The following SLC7A8 variants were observed in gnomAD, a reference collection of about 807,000 sequenced individuals.
The protein encoded by SLC7A8 is large neutral amino acids transporter small subunit 2.
Under a neutral mutation model 51.2 loss-of-function variants are expected in SLC7A8, and 30 were observed. That is an observed-to-expected ratio of 0.59 (90% confidence interval 0.44 to 0.80). The LOEUF (loss-of-function observed/expected upper bound fraction) is 0.80. Among genes scored for constraint, SLC7A8 ranks in the 30% least tolerant of loss-of-function variants. The pLI, the probability that SLC7A8 is intolerant of heterozygous loss-of-function variation, is 0.00. For synonymous variants in SLC7A8, 257 were observed against 275.8 expected, an observed-to-expected ratio of 0.93 and a Z score of 0.67; for missense variants, 612 against 674.4, an observed-to-expected ratio of 0.91 and a Z score of 1.03.
Position 23,128,090 on chromosome 14 carries a change from A to G in SLC7A8, c.1370T>C (p.Leu457Pro), listed in dbSNP as rs1481825165. The change falls in exon 10 of 11, where the codon CTG becomes CCG. Residue 457 changes from leucine to proline, a missense_variant. Transcript: ENST00000316902. This position sits in a 1 kb window ranked among gnomAD's most constrained non-coding sequence, Gnocchi z 4.3. ...VVCGIGLAIM[L>P]TGVPVYFLGV... ...CAGGAAATAGACAGGCACTCCTGTC[A>G]GCATGATGGCCAGGCCAATGCCACA... 1 of 1,614,220 alleles carries G rather than the reference A, an allele frequency of 6.2e-7. No individual in the cohort carries two copies. Among genetic ancestry groups the G allele is most frequent in the Non-Finnish European group, 8.5e-7 (1 of 1,180,032 alleles).
chr14:23,154,142 T>C (rs1289225293), intron 3 of SLC7A8: 3 of 562,280 alleles, frequency 5.3e-6, no homozygotes. Flanking sequence ...GAACGCCCTG[T>C]TCCTCTCCAA....
rs1366105798 is a variant in SLC7A8, at chr14:23,165,760, CA to C, written c.357-325del. Among the ~76,000 whole-genome samples, 1 of 152,142 alleles carries C rather than the reference CA, an allele frequency of 6.6e-6. No homozygotes were observed. Among genetic ancestry groups the C allele is most frequent in the African/African-American group, 2.4e-5 (1 of 41,418 alleles). The stretch of plus-strand genomic sequence containing the variant: ...TTTGCAACCCCAGAATGTTGATAGA[CA>C]GGACATACTAAGGGTGTGGTTACGT... On this transcript the variant is annotated intron_variant, in intron 2 of 10. Transcript: ENST00000316902. This position sits in a 1 kb window ranked among gnomAD's most constrained non-coding sequence, Gnocchi z 4.2.
intron 1 of SLC7A8, among the ~76,000 whole-genome samples, chr14:23,169,009 A>C (rs559130527): frequency 1.6e-4 from 24 of 152,248 alleles, no homozygotes; most frequent in African/African-American, 5.8e-4. Context: ...CACTTCATAA[A>C]AATTGGGTTT....
chr14:23,173,943 C>T (rs998271356), intron 1 of SLC7A8, among the ~76,000 whole-genome samples: 1 of 152,196 alleles, frequency 6.6e-6, no homozygotes, highest in Non-Finnish European at 1.5e-5. Flanking sequence ...ACCTGGCCAG[C>T]TTTGTTTAAA....
intron 1 of SLC7A8, among the ~76,000 whole-genome samples, chr14:23,175,515 G>A (rs973991811): frequency 2.0e-5 from 3 of 152,092 alleles, no homozygotes; most frequent in Non-Finnish European, 4.4e-5. Flanking sequence ...GGCCGGTACA[G>A]GGTGTTTTTA....
intron 8 of SLC7A8, 88 bp from the exon 9 acceptor site, chr14:23,129,887 C>T (rs35691569): frequency 0.012 from 17,808 of 1,431,506 alleles, 125 homozygotes; most frequent in Non-Finnish European, 0.015. Flanking sequence ...AGCCTCCAGG[C>T]AGATGATGCC....
chr14:23,140,653 C>T, intron 4 of SLC7A8, 29 bp from the exon 5 acceptor site: 1 of 1,594,612 alleles, frequency 6.3e-7, no homozygotes, highest in Non-Finnish European at 8.6e-7. Context: ...GGAGGCCGCT[C>T]AGTGAGACAA....
At chr14:23,162,569 A>G (rs2048929554) in intron 3 of SLC7A8, among the ~76,000 whole-genome samples, 1 of 152,126 alleles carries the variant, frequency 6.6e-6, no homozygotes, top group Non-Finnish European at 1.5e-5. Flanking sequence ...GTCATCAGCC[A>G]GTTTCTAAAT....
rs150723302 is a variant in SLC7A8, at chr14:23,129,797, G to A, written c.1116C>T (p.Cys372=). Residue 372 remains cysteine (C), a splice_region_variant and synonymous_variant, in exon 9 of 11, where the codon TGC becomes TGT. Transcript: ENST00000316902. ...TGACCAGCATCAGCAGGGTGGAGATGCACTGGGAAAGTGGGAGGAGCTCAT... is the reference window on the plus strand; with the variant it reads ...TGACCAGCATCAGCAGGGTGGAGATACACTGGGAAAGTGGGAGGAGCTCAT... The part of the protein sequence containing the change: ...CTPIPALLFT[C]ISTLLMLVTS... 976 of 1,614,020 alleles carry A rather than the reference G, an allele frequency of 6.0e-4. No individual in the cohort carries two copies. The highest frequency in any genetic ancestry group is 7.9e-4 in the Non-Finnish European group (937 of 1,179,934).
intron 3 of SLC7A8, chr14:23,154,522 G>T: frequency 1.0e-6 from 1 of 972,362 alleles, no homozygotes; most frequent in Non-Finnish European, 1.2e-6. Flanking sequence ...CTGAGCACGT[G>T]TTTCTAATTG....
chr14:23,145,267 G>A (rs577613683), intron 3 of SLC7A8, among the ~76,000 whole-genome samples: 3 of 151,298 alleles, frequency 2.0e-5, no homozygotes, highest in East Asian at 2.0e-4. Context: ...GGTGGCTCAC[G>A]CTTGTAATCC....
At chr14:23,132,022 T>TTTTTA (rs2048640439) in intron 7 of SLC7A8, among the ~76,000 whole-genome samples, 1 of 128,732 alleles carries the variant, frequency 7.8e-6, no homozygotes, top group African/African-American at 2.8e-5. Flanking sequence ...TTTTTTTTTT[T>TTTTTA]GAGATGGAGT....
chr14:23,133,633 C>A (rs1003541030), intron 7 of SLC7A8, among the ~76,000 whole-genome samples: 4 of 151,742 alleles, frequency 2.6e-5, no homozygotes, highest in Admixed American at 2.6e-4. Context: ...TTGAGACCAG[C>A]CTGGCCAACA....
intron 7 of SLC7A8, among the ~76,000 whole-genome samples, chr14:23,136,184 A>T (rs1164667336): frequency 6.6e-6 from 1 of 152,214 alleles, no homozygotes; most frequent in Non-Finnish European, 1.5e-5. Context: ...TGTATCCCCA[A>T]GTACCCATAA....
chr14:23,147,495 G>A lies in SLC7A8; in HGVS notation c.509-4291C>T, dbSNP rs185963225. On this transcript the variant is annotated intron_variant, in intron 3 of 10. Coordinates refer to ENST00000316902, the MANE Select transcript of SLC7A8 (RefSeq NM_012244.4). ...ATCAGAGATGCCTTCTATAGGAGGA[G>A]GAGACCCTGGCAACATGGAGAAATT... Among the ~76,000 whole-genome samples, 777 of 152,294 alleles carry A rather than the reference G, an allele frequency of 5.1e-3. 7 individuals carry two copies. The highest frequency in any genetic ancestry group is 0.018 in the African/African-American group (747 of 41,558).
intron 3 of SLC7A8, among the ~76,000 whole-genome samples, chr14:23,153,357 C>A (rs761362810): frequency 3.9e-5 from 6 of 152,204 alleles, no homozygotes; most frequent in Admixed American, 6.5e-5. Flanking sequence ...GCCCAATTCC[C>A]AGTTGCTTGT....
At chr14:23,163,733 C>A (rs768121415) in intron 3 of SLC7A8, among the ~76,000 whole-genome samples, 5 of 152,152 alleles carry the variant, frequency 3.3e-5, no homozygotes, top group African/African-American at 1.2e-4. Context: ...CCCAGTGAAC[C>A]CTAGAGGTGG....
chr14:23,149,266 A>C (rs1350721219), intron 3 of SLC7A8, among the ~76,000 whole-genome samples: 1 of 152,212 alleles, frequency 6.6e-6, no homozygotes, highest in East Asian at 1.9e-4. Context: ...TAACTCTAGC[A>C]GTGTTTTTCC....
At chr14:23,169,445 C>T (rs1041814920) in intron 1 of SLC7A8, among the ~76,000 whole-genome samples, 2 of 152,202 alleles carry the variant, frequency 1.3e-5, no homozygotes, top group African/African-American at 4.8e-5. Flanking sequence ...AACAGCCTGT[C>T]GCCCAGGCTG....
Sources: allele counts gnomAD v4.1 joint callset (sites outside exome capture counted in the v4.1 genomes callset), GRCh38; gene constraint gnomAD v4.1.1; non-coding constraint Gnocchi (gnomAD v3.1); transcripts MANE v1.5; gene names NCBI Gene and HGNC (gene_info 2026-07-23, HGNC 2026-07-21).